The following TMEM200A variants were observed in gnomAD, a reference collection of about 807,000 sequenced individuals.
TMEM200A encodes the protein two transmembrane C.
In TMEM200A, 12 loss-of-function variants were observed where a neutral mutation model predicts 24.3. The observed-to-expected ratio is 0.49, with a 90% CI of 0.32 to 0.80. The LOEUF is 0.80. Among genes scored for constraint, TMEM200A ranks in the 30% least tolerant of loss-of-function variants. The pLI, the probability that TMEM200A is intolerant of heterozygous loss-of-function variation, is 0.04. For missense variants in TMEM200A, 545 were observed against 614.4 expected (o/e 0.89, Z 1.19); for synonymous variants, 224 against 224.4 (o/e 1.00, Z 0.02).
intron 1 of TMEM200A, among the ~76,000 whole-genome samples, chr6:130,373,207 G>A (rs570100952): frequency 5.8e-4 from 89 of 152,286 alleles, no homozygotes; most frequent in African/African-American, 1.8e-3. Context: ...AAGTCAGATC[G>A]GCTTAGTGAA....
Position 130,442,022 on chromosome 6 carries a change from C to G in TMEM200A, c.*124C>G. On this transcript the variant is annotated 3_prime_UTR_variant, in exon 3 of 3. Coordinates refer to ENST00000296978, the MANE Select transcript of TMEM200A (RefSeq NM_001258277.2). ...ATGGTTTGTAGTGTATTAGAATTGG[C>G]TGCTTAGTTCTGTAATGAAGATGGT... 1.1e-6 allele frequency: 1 copy of G among 933,440 alleles called. No homozygotes were observed. The highest frequency in any genetic ancestry group is 1.9e-5 in the South Asian group (1 of 52,142). 57.8% of individuals were successfully genotyped at this position (933,440 alleles called of 1,614,324 possible). A position where few individuals can be genotyped will look rare whatever the true frequency, so the allele number is the denominator to read the frequency against.
At position 130,385,183 on chromosome 6, in the gene TMEM200A, C is replaced by T. The variant is rs943709602; in HGVS notation, c.-70C>T. ...TTCTTAATTTCTTAGCACACAGAGC[C>T]GCTGAAAACGACTGAAGAGAGCAAG... On this transcript the variant is annotated 5_prime_UTR_variant, in exon 2 of 3. Coordinates refer to ENST00000296978, the MANE Select transcript of TMEM200A (RefSeq NM_001258277.2). 6.6e-6 allele frequency: 1 copy of T among 152,148 alleles called. No homozygotes were observed. Among genetic ancestry groups the T allele is most frequent in the African/African-American group, 2.4e-5 (1 of 41,420 alleles). 9.4% of individuals were successfully genotyped at this position (152,148 alleles called of 1,614,324 possible).
intron 2 of TMEM200A, among the ~76,000 whole-genome samples, chr6:130,429,084 G>A (rs1224221225): frequency 3.9e-5 from 6 of 152,170 alleles, no homozygotes; most frequent in African/African-American, 7.2e-5. Context: ...TGCTACAGCA[G>A]TGTAACAACA....
Position 130,440,456 on chromosome 6 carries a change from G to A in TMEM200A, c.34G>A (p.Ala12Thr). The change falls in exon 3 of 3, where the codon GCC becomes ACC. Residue 12 changes from alanine (A) to threonine (T), a missense_variant. Physicochemically the swap from Ala to Thr is moderately conservative, Grantham distance 58 (BLOSUM62 0). Coordinates refer to ENST00000296978, the MANE Select transcript of TMEM200A (RefSeq NM_001258277.2). ...AACTGGTGGAGTGATAACTGGCCTG[G>A]CCGCCTTGAAAAGGCAAGACTCTGC... Reference protein sequence around the residue: ...IATGGVITGLAALKRQDSARS... With the variant: ...IATGGVITGLTALKRQDSARS... 1.3e-6 allele frequency: 2 copies of A among 1,599,780 alleles called. No homozygotes were observed. Among genetic ancestry groups the A allele is most frequent in the Middle Eastern group, 1.7e-4 (1 of 5,948 alleles).
chr6:130,397,703 CATT>C (rs1778983561), intron 2 of TMEM200A, among the ~76,000 whole-genome samples: 1 of 151,642 alleles, frequency 6.6e-6, no homozygotes, highest in African/African-American at 2.4e-5. Context: ...ATTACTGAGG[CATT>C]TGGATTTATT....
chr6:130,435,991 G>C (rs893615790), intron 2 of TMEM200A, among the ~76,000 whole-genome samples: 15 of 152,168 alleles, frequency 9.9e-5, no homozygotes, highest in African/African-American at 3.6e-4. Flanking sequence ...ATTGAGATTT[G>C]GAAAATGGGA....
At position 130,369,704 on chromosome 6, in the gene TMEM200A, C is replaced by T. The variant is rs149041717; in HGVS notation, c.-81+3180C>T. Among the ~76,000 whole-genome samples, 178 of 152,232 alleles carry T rather than the reference C, an allele frequency of 1.2e-3. 1 individual carries two copies. The highest frequency in any genetic ancestry group is 4.1e-3 in the African/African-American group (170 of 41,536). ...TCATATAAAGGCGAGGATTCTGGGG[C>T]CACTGTATCATTAATTGATAGGATG... On this transcript the variant is annotated intron_variant, in intron 1 of 2. Coordinates refer to ENST00000296978, the MANE Select transcript of TMEM200A (RefSeq NM_001258277.2).
intron 2 of TMEM200A, among the ~76,000 whole-genome samples, chr6:130,411,272 A>G (rs1779324722): frequency 6.6e-6 from 1 of 152,230 alleles, no homozygotes; most frequent in Non-Finnish European, 1.5e-5. Context: ...TGGGGTGCTA[A>G]GACAAATAAA....
intron 2 of TMEM200A, among the ~76,000 whole-genome samples, chr6:130,404,360 G>A (rs1409266030): frequency 6.6e-6 from 1 of 152,000 alleles, no homozygotes; most frequent in South Asian, 2.1e-4. Flanking sequence ...ACTTTTTAAT[G>A]ATAGCCATTC....
At chr6:130,434,924 A>G (rs1052062705) in intron 2 of TMEM200A, among the ~76,000 whole-genome samples, 2 of 152,122 alleles carry the variant, frequency 1.3e-5, no homozygotes, top group African/African-American at 4.8e-5. Flanking sequence ...TAAGATGGGA[A>G]AGGCCTGGAG....
At chr6:130,399,185 C>CT (rs1779025510) in intron 2 of TMEM200A, among the ~76,000 whole-genome samples, 1 of 151,762 alleles carries the variant, frequency 6.6e-6, no homozygotes, top group Non-Finnish European at 1.5e-5. Flanking sequence ...TGTATTTAAC[C>CT]TTTTTTTGGT....
At chr6:130,399,399 AGACCAATTTGGACTTTTT>A (rs1268043750) in intron 2 of TMEM200A, among the ~76,000 whole-genome samples, 2 of 152,016 alleles carry the variant, frequency 1.3e-5, no homozygotes, top group African/African-American at 4.8e-5. Context: ...AATTCTTAAT[AGACCAATTTGGACTTTTT>A]GATTTTAGCT....
intron 1 of TMEM200A, among the ~76,000 whole-genome samples, chr6:130,370,673 G>T (rs112789808): frequency 6.6e-6 from 1 of 152,228 alleles, no homozygotes; most frequent in African/African-American, 2.4e-5. Context: ...ATGCCCTCAT[G>T]TTTAAACTTT....
At chr6:130,408,054 T>G (rs1460028046) in intron 2 of TMEM200A, among the ~76,000 whole-genome samples, 1 of 152,158 alleles carries the variant, frequency 6.6e-6, no homozygotes, top group Non-Finnish European at 1.5e-5. Flanking sequence ...TAAAGCACGG[T>G]CAAGGAGTTT....
At chr6:130,392,617 A>G (rs1778861315) in intron 2 of TMEM200A, among the ~76,000 whole-genome samples, 1 of 152,178 alleles carries the variant, frequency 6.6e-6, no homozygotes, top group African/African-American at 2.4e-5. Context: ...AGTAACTCAA[A>G]TCCCAACATG....
chr6:130,369,887 GTC>G (rs1778277894), intron 1 of TMEM200A, among the ~76,000 whole-genome samples: 1 of 152,210 alleles, frequency 6.6e-6, no homozygotes, highest in East Asian at 1.9e-4. Flanking sequence ...GGGGGGACAA[GTC>G]TCTGCTTACC....
At chr6:130,386,658 A>G (rs561511612) in intron 2 of TMEM200A, among the ~76,000 whole-genome samples, 83 of 152,334 alleles carry the variant, frequency 5.4e-4, no homozygotes, top group African/African-American at 2.0e-3. Context: ...ATAGATCTTT[A>G]AAAGATACTC....
intron 1 of TMEM200A, among the ~76,000 whole-genome samples, chr6:130,379,240 G>T (rs1001313816): frequency 3.3e-5 from 5 of 151,780 alleles, no homozygotes; most frequent in Non-Finnish European, 5.9e-5. Context: ...GAATTTTTCA[G>T]ACAACACTGT....
chr6:130,404,589 A>T (rs1779162709), intron 2 of TMEM200A, among the ~76,000 whole-genome samples: 1 of 152,182 alleles, frequency 6.6e-6, no homozygotes, highest in African/African-American at 2.4e-5. Flanking sequence ...TCAGATGCAT[A>T]GTTTGCAAAA....
Sources: allele counts gnomAD v4.1 joint callset (sites outside exome capture counted in the v4.1 genomes callset), GRCh38; gene constraint gnomAD v4.1.1; transcripts MANE v1.5; gene names NCBI Gene and HGNC (gene_info 2026-07-23, HGNC 2026-07-21).